Variants in LTBP1 observed in about 807,000 individuals in gnomAD.
LTBP1 encodes latent-transforming growth factor beta-binding protein 1.
LTBP1 carries 129 observed loss-of-function variants against 207.6 expected under a neutral mutation model. The observed-to-expected ratio is 0.62, with a 90% CI of 0.54 to 0.72. LTBP1 has a LOEUF of 0.72. LTBP1 is among the 30% of genes least tolerant of loss of function. LTBP1 has a pLI of 0.00. For missense variants in LTBP1, 2,281 were observed against 2,217.2 expected, an observed-to-expected ratio of 1.03 and a Z score of -0.58; for synonymous variants, 963 against 833.7, an observed-to-expected ratio of 1.16 and a Z score of -2.67.
chr2:33,119,669 G>T (rs764199353), intron 4 of LTBP1, among the ~76,000 whole-genome samples: 19 of 152,098 alleles, frequency 1.2e-4, no homozygotes, highest in Non-Finnish European at 2.4e-4. Context: ...CCATTCTTCT[G>T]CCTCAGCTTC....
chr2:33,061,865 T>G (rs2077286081), intron 3 of LTBP1, among the ~76,000 whole-genome samples: 1 of 152,174 alleles, frequency 6.6e-6, no homozygotes, highest in African/African-American at 2.4e-5. Flanking sequence ...TGTGGTTAGC[T>G]TTATAAGAAA....
At chr2:33,238,137 G>C (rs988212072) in intron 9 of LTBP1, among the ~76,000 whole-genome samples, 1 of 152,126 alleles carries the variant, frequency 6.6e-6, no homozygotes, top group African/African-American at 2.4e-5. Flanking sequence ...CTGCTTTCAA[G>C]TGGAAGGCAT....
chr2:33,170,746 C>T (rs62146669), intron 5 of LTBP1, among the ~76,000 whole-genome samples: 69,951 of 149,202 alleles, frequency 0.47, 16,233 homozygotes, highest in Non-Finnish European at 0.5. Flanking sequence ...AGCAGCCTAA[C>T]TGGGAGGCAC....
Position 33,075,833 on chromosome 2 carries a change from T to G in LTBP1, c.864-34749T>G, listed in dbSNP as rs1228835730. ...TTCCAGGTACTTGTAAGTGAAATGC[T>G]TTAGCAGGCAAATTCTTCTAAGGGT... is the stretch of plus-strand genomic sequence containing the variant. On this transcript the variant is annotated intron_variant, in intron 3 of 33. Transcript: ENST00000404816. 2.6e-5 allele frequency among the ~76,000 whole-genome samples: 4 copies of G among 152,238 alleles called. No individual in the cohort carries two copies. In the South Asian group the frequency reaches 8.3e-4, roughly 32 times the overall value.
intron 3 of LTBP1, among the ~76,000 whole-genome samples, chr2:33,041,717 C>G (rs72869662): frequency 0.094 from 14,276 of 152,184 alleles, 1,203 homozygotes; most frequent in East Asian, 0.35. Flanking sequence ...AGGGCATAAA[C>G]AGATAAATAA....
At chr2:33,141,774 G>T (rs764783068) in intron 5 of LTBP1, among the ~76,000 whole-genome samples, 6 of 152,094 alleles carry the variant, frequency 3.9e-5, no homozygotes, top group Non-Finnish European at 7.4e-5. Context: ...CTAAACCGTG[G>T]AGCACCCCCC....
rs140710714 is a variant in LTBP1, at chr2:33,164,404, T to G, written c.1202-22452T>G. ...AAGATTAAGAATAATGGCCCAACTATGAATAAATCTGAAGTTTGGTTCCCA... is the reference window on the plus strand; with the variant it reads ...AAGATTAAGAATAATGGCCCAACTAGGAATAAATCTGAAGTTTGGTTCCCA... On this transcript the variant is annotated intron_variant, in intron 5 of 33. Coordinates refer to ENST00000404816, the MANE Select transcript of LTBP1 (RefSeq NM_206943.4). Among the ~76,000 whole-genome samples, 129 of 131,214 alleles carry G rather than the reference T, an allele frequency of 9.8e-4. 1 individual carries two copies. Among genetic ancestry groups the G allele is most frequent in the African/African-American group, 3.5e-3 (123 of 34,914 alleles). 86.1% of individuals were successfully genotyped at this position (131,214 alleles called of 152,430 possible). A position where few individuals can be genotyped will look rare whatever the true frequency, so the allele number is the denominator to read the frequency against.
intron 26 of LTBP1, among the ~76,000 whole-genome samples, chr2:33,359,211 C>T (rs948585690): frequency 3.5e-4 from 53 of 152,252 alleles, no homozygotes; most frequent in African/African-American, 1.3e-3. Flanking sequence ...TTTATATTCT[C>T]ACTGATGCTC....
intron 3 of LTBP1, among the ~76,000 whole-genome samples, chr2:33,101,970 G>A (rs900502343): frequency 6.6e-6 from 1 of 152,000 alleles, no homozygotes; most frequent in Non-Finnish European, 1.5e-5. Context: ...TTTTTAGCAC[G>A]TAGCTTTGAC....
At chr2:33,368,293 A>G (rs1008457552) in intron 31 of LTBP1, among the ~76,000 whole-genome samples, 12 of 152,328 alleles carry the variant, frequency 7.9e-5, no homozygotes, top group Middle Eastern at 3.4e-3. Flanking sequence ...AGAACTAAAA[A>G]TAGAACTACC....
chr2:33,054,691 C>G (rs557016654), intron 3 of LTBP1, among the ~76,000 whole-genome samples: 137 of 152,246 alleles, frequency 9.0e-4, no homozygotes, highest in Admixed American at 3.2e-3. Flanking sequence ...GGACAGTCGT[C>G]CAGGACAGGA....
chr2:33,015,063 A>G (rs758906602), intron 2 of LTBP1, among the ~76,000 whole-genome samples: 1 of 151,598 alleles, frequency 6.6e-6, no homozygotes, highest in Non-Finnish European at 1.5e-5. Flanking sequence ...CTAAGTGCCT[A>G]CAATAACCTC....
At position 33,215,445 on chromosome 2, in the gene LTBP1, C is replaced by T. The variant is rs769753970; in HGVS notation, c.1702-2107C>T. Among the ~76,000 whole-genome samples, 3 of 152,160 alleles carry T rather than the reference C, an allele frequency of 2.0e-5. No homozygotes were observed. In the East Asian group the frequency reaches 5.8e-4, roughly 29 times the overall value. ...CATTAAAAATAATAAAACCTTAGAA[C>T]ATCAAAGCTATGATGTAACTAAAAC... On this transcript the variant is annotated intron_variant, in intron 7 of 33. Transcript: ENST00000404816.
Position 33,252,540 on chromosome 2 carries a change from T to C in LTBP1, c.2000-137T>C, listed in dbSNP as rs114333681. 6 of 770,672 alleles carry C rather than the reference T, an allele frequency of 7.8e-6. No homozygotes were observed. The East Asian group carries it at 1.6e-4, about 21-fold the overall frequency. 47.7% of individuals were successfully genotyped at this position (770,672 alleles called of 1,614,324 possible). On this transcript the variant is annotated intron_variant, in intron 10 of 33. Transcript: ENST00000404816. ...TAAACTGATTTTTCTTCAAGAAAGG[T>C]GATGCTCTAAATCTAGACAGATTTA...
chr2:33,326,384 C>G (rs375623328), intron 24 of LTBP1, among the ~76,000 whole-genome samples: 19 of 152,124 alleles, frequency 1.2e-4, no homozygotes, highest in Middle Eastern at 3.4e-3. Flanking sequence ...TTGTGAGCTC[C>G]CTCAATGAGG....
intron 18 of LTBP1, among the ~76,000 whole-genome samples, chr2:33,279,439 T>C (rs2093512661): frequency 6.6e-6 from 1 of 152,144 alleles, no homozygotes; most frequent in African/African-American, 2.4e-5. Flanking sequence ...CCAGAAAATA[T>C]TACCATATGG....
intron 2 of LTBP1, among the ~76,000 whole-genome samples, chr2:32,977,520 G>A (rs1214556860): frequency 6.6e-6 from 1 of 152,218 alleles, no homozygotes; most frequent in African/African-American, 2.4e-5. Context: ...TATGTCACTG[G>A]TGCCAGTTTT....
intron 7 of LTBP1, among the ~76,000 whole-genome samples, chr2:33,215,796 ATC>A (rs2090646672): frequency 6.7e-6 from 1 of 150,094 alleles, no homozygotes; most frequent in South Asian, 2.1e-4. Flanking sequence ...GCTCACTGCA[ATC>A]TCTGCCTCCT....
At chr2:33,336,024 C>G (rs900296346) in intron 24 of LTBP1, among the ~76,000 whole-genome samples, 1 of 152,180 alleles carries the variant, frequency 6.6e-6, no homozygotes, top group Non-Finnish European at 1.5e-5. Flanking sequence ...GATGTGCTTT[C>G]TTCCAAGGGT....
Sources: gnomAD v4.1 joint callset for allele counts (sites outside exome capture counted in the v4.1 genomes callset) on GRCh38, gnomAD v4.1.1 for gene constraint, MANE v1.5 for transcripts, NCBI Gene and HGNC (gene_info 2026-07-23, HGNC 2026-07-21) for gene names.